The following TXK variants were observed in gnomAD, a reference collection of about 807,000 sequenced individuals.
The protein encoded by TXK is TXK tyrosine kinase.
In TXK, 60 loss-of-function variants were observed where a neutral mutation model predicts 81.0. The ratio of observed to expected loss-of-function variants is 0.74; its 90% CI spans 0.60 to 0.92. The LOEUF (loss-of-function observed/expected upper bound fraction) is 0.92, where lower values mean the gene tolerates loss of function less well. Ranked by LOEUF, TXK falls within the 40% of genes least tolerant of loss-of-function variation. The pLI is 0.00. For synonymous variants in TXK, 203 were observed against 210.7 expected, an observed-to-expected ratio of 0.96 and a Z score of 0.32; for missense variants, 581 against 638.3, an observed-to-expected ratio of 0.91 and a Z score of 0.97.
Position 48,108,145 on chromosome 4 carries a change from C to A in TXK, c.446+2393G>T, listed in dbSNP as rs1229306882. The stretch of plus-strand genomic sequence containing the variant: ...GGGTTGTTTAATGTCTGTTTTTCCC[C>A]AAGAACTGTAAGTTCCATAACTGTA... On this transcript the variant is annotated intron_variant, in intron 5 of 14. Coordinates refer to ENST00000264316, the MANE Select transcript of TXK (RefSeq NM_003328.3). 3.3e-5 allele frequency among the ~76,000 whole-genome samples: 5 copies of A among 151,966 alleles called. No homozygotes were observed. In the East Asian group the frequency reaches 5.8e-4, roughly 18 times the overall value.
intron 1 of TXK, among the ~76,000 whole-genome samples, chr4:48,120,040 A>G (rs1400233233): frequency 6.6e-6 from 1 of 151,216 alleles, no homozygotes; most frequent in African/African-American, 2.4e-5. Context: ...CTCCTATATC[A>G]CCATTTTTCC....
intron 12 of TXK, among the ~76,000 whole-genome samples, chr4:48,074,982 T>C (rs1030761542): frequency 6.6e-6 from 1 of 152,060 alleles, no homozygotes; most frequent in East Asian, 1.9e-4. Flanking sequence ...AAATGGGCCA[T>C]GAACAGGAGT....
At chr4:48,095,756 G>A (rs1460933141) in intron 6 of TXK, among the ~76,000 whole-genome samples, 1 of 152,142 alleles carries the variant, frequency 6.6e-6, no homozygotes, top group Non-Finnish European at 1.5e-5. Context: ...AGTTGCAGTA[G>A]GGGTATGGGA....
intron 1 of TXK, among the ~76,000 whole-genome samples, chr4:48,123,669 G>A (rs1719013408): frequency 6.6e-6 from 1 of 152,172 alleles, no homozygotes; most frequent in South Asian, 2.1e-4. Flanking sequence ...TCACAGAGAG[G>A]TTACTCCTTA....
At chr4:48,126,260 G>A (rs1050811868) in intron 1 of TXK, among the ~76,000 whole-genome samples, 1 of 152,132 alleles carries the variant, frequency 6.6e-6, no homozygotes, top group Admixed American at 6.5e-5. Flanking sequence ...CATTTATCAT[G>A]AGCCACTTTC....
intron 9 of TXK, among the ~76,000 whole-genome samples, chr4:48,086,960 C>T (rs1257448232): frequency 6.7e-6 from 1 of 148,696 alleles, no homozygotes; most frequent in African/African-American, 2.5e-5. Flanking sequence ...GACCTGGGAC[C>T]CAAAATATTT....
In TXK at chr4:48,066,494, A is replaced by G. The variant is rs993537921; in HGVS notation, c.*1143T>C. The stretch of plus-strand genomic sequence containing the variant: ...AATTTAAAAGTCGCAACTACTGACA[A>G]TCAACAAATAAACTCTAATGAGAAT... On this transcript the variant is annotated 3_prime_UTR_variant, in exon 15 of 15. Transcript: ENST00000264316. 3 of 152,226 alleles carry G rather than the reference A, an allele frequency of 2.0e-5. No individual in the cohort carries two copies. Among genetic ancestry groups the G allele is most frequent in the African/African-American group, 7.2e-5 (3 of 41,462 alleles). 9.4% of individuals were successfully genotyped at this position (152,226 alleles called of 1,614,324 possible). A position where few individuals can be genotyped will look rare whatever the true frequency, so the allele number is the denominator to read the frequency against.
chr4:48,124,250 G>A (rs997286526), intron 1 of TXK, among the ~76,000 whole-genome samples: 5 of 151,862 alleles, frequency 3.3e-5, no homozygotes, highest in Admixed American at 2.0e-4. Context: ...ACTAGATGCC[G>A]GCAGCAACAT....
chr4:48,101,666 C>A (rs1718201090), intron 6 of TXK, among the ~76,000 whole-genome samples: 1 of 150,948 alleles, frequency 6.6e-6, no homozygotes, highest in Non-Finnish European at 1.5e-5. Context: ...TTTAAATATC[C>A]CATGCTTTAT....
At chr4:48,106,983 G>A (rs1298937372) in intron 5 of TXK, among the ~76,000 whole-genome samples, 1 of 151,998 alleles carries the variant, frequency 6.6e-6, no homozygotes, top group East Asian at 1.9e-4. Context: ...TAGATTTCCA[G>A]GATCATTTAA....
chr4:48,134,080 A>AGC, intron 1 of TXK, 75 bp downstream of exon 1: 3 of 1,561,634 alleles, frequency 1.9e-6, no homozygotes, highest in Non-Finnish European at 2.6e-6. Context: ...GAAAAAAAAA[A>AGC]CTTCCTCTGC....
intron 12 of TXK, 65 bp from the exon 13 acceptor site, chr4:48,074,118 C>A: frequency 8.0e-7 from 1 of 1,244,514 alleles, no homozygotes. Flanking sequence ...CTTCAAATCC[C>A]TTTAGTTAAC....
intron 5 of TXK, among the ~76,000 whole-genome samples, chr4:48,107,571 G>A (rs1361835932): frequency 2.0e-5 from 3 of 151,302 alleles, no homozygotes; most frequent in Non-Finnish European, 4.4e-5. Flanking sequence ...TTTAAGTTCC[G>A]GGGTACATGT....
At chr4:48,073,136 A>G (rs1426437260) in intron 13 of TXK, among the ~76,000 whole-genome samples, 1 of 136,642 alleles carries the variant, frequency 7.3e-6, no homozygotes, top group Non-Finnish European at 1.5e-5. Flanking sequence ...TAGGTTGCCC[A>G]GGCTAGTCTT....
At chr4:48,105,740 G>A (rs1165378906) in intron 5 of TXK, among the ~76,000 whole-genome samples, 2 of 152,008 alleles carry the variant, frequency 1.3e-5, no homozygotes, top group South Asian at 4.2e-4. Context: ...ACATGAACTT[G>A]CCTCTAACAC....
intron 1 of TXK, among the ~76,000 whole-genome samples, chr4:48,126,332 C>T (rs1008073993): frequency 6.6e-6 from 1 of 152,184 alleles, no homozygotes; most frequent in African/African-American, 2.4e-5. Context: ...TTTCTTTTCT[C>T]TAGCTTACTT....
At chr4:48,126,239 G>A (rs1056004423) in intron 1 of TXK, among the ~76,000 whole-genome samples, 1 of 152,112 alleles carries the variant, frequency 6.6e-6, no homozygotes, top group Admixed American at 6.5e-5. Flanking sequence ...TGAAGATGAC[G>A]AGGATGAAGG....
chr4:48,130,741 G>A (rs1415047522), intron 1 of TXK, among the ~76,000 whole-genome samples: 1 of 152,154 alleles, frequency 6.6e-6, no homozygotes, highest in East Asian at 1.9e-4. Flanking sequence ...AGTAATAATG[G>A]AAGGTGTTGA....
At chr4:48,100,522 G>A (rs1255768550) in intron 6 of TXK, among the ~76,000 whole-genome samples, 2 of 152,216 alleles carry the variant, frequency 1.3e-5, no homozygotes, top group African/African-American at 4.8e-5. Flanking sequence ...AGAGAGCAAA[G>A]ATCCAGATGT....
Sources: gnomAD v4.1 joint callset for allele counts (sites outside exome capture counted in the v4.1 genomes callset) on GRCh38, gnomAD v4.1.1 for gene constraint, MANE v1.5 for transcripts, NCBI Gene and HGNC (gene_info 2026-07-23, HGNC 2026-07-21) for gene names.